LRRC4C: variants seen among roughly 807,000 people sequenced by gnomAD.
The protein encoded by LRRC4C is leucine-rich repeat-containing protein 4C.
A neutral mutation model predicts 33.6 loss-of-function variants in LRRC4C; 5 were observed. The ratio of observed to expected loss-of-function variants is 0.15; its 90% confidence interval spans 0.08 to 0.31. LRRC4C has a LOEUF of 0.31. Ranked by LOEUF, LRRC4C falls within the 10% of genes least tolerant of loss-of-function variation. The pLI is 1.00. For missense variants in LRRC4C, 560 were observed against 796.7 expected, an observed-to-expected ratio of 0.70 and a Z score of 3.58; for synonymous variants, 329 against 302.0, an observed-to-expected ratio of 1.09 and a Z score of -0.93.
At chr11:40,558,616 T>G (rs578018932) in intron 3 of LRRC4C, among the ~76,000 whole-genome samples, 13 of 152,352 alleles carry the variant, frequency 8.5e-5, no homozygotes, top group African/African-American at 2.9e-4. Context: ...CCCTGTACTG[T>G]GTCTCCTTGA....
intron 2 of LRRC4C, among the ~76,000 whole-genome samples, chr11:40,774,272 C>A (rs923393148): frequency 1.1e-4 from 16 of 152,182 alleles, no homozygotes; most frequent in African/African-American, 3.9e-4. Flanking sequence ...AATGCTTCCA[C>A]TTTGCTACAG....
At chr11:40,740,760 AT>A (rs1425330286) in intron 2 of LRRC4C, among the ~76,000 whole-genome samples, 1 of 152,026 alleles carries the variant, frequency 6.6e-6, no homozygotes, top group Non-Finnish European at 1.5e-5. Context: ...TAGTTTTAAG[AT>A]TTCAAGTCAC....
chr11:40,968,708 T>G (rs2136960615), intron 1 of LRRC4C, among the ~76,000 whole-genome samples: 1 of 152,276 alleles, frequency 6.6e-6, no homozygotes, highest in East Asian at 1.9e-4. Context: ...TACATCTGTT[T>G]ACAGCATGGT....
intron 1 of LRRC4C, among the ~76,000 whole-genome samples, chr11:41,141,577 T>G (rs891441400): frequency 6.6e-6 from 1 of 152,138 alleles, no homozygotes; most frequent in Non-Finnish European, 1.5e-5. Context: ...GTGGAGATAA[T>G]TGAATCGTGG....
At chr11:41,406,172 T>A (rs1248259914) in intron 1 of LRRC4C, among the ~76,000 whole-genome samples, 3 of 152,176 alleles carry the variant, frequency 2.0e-5, no homozygotes, top group Non-Finnish European at 4.4e-5. Flanking sequence ...GATATCCTGA[T>A]AAATGTACAC....
At chr11:40,890,592 C>G (rs1349011482) in intron 2 of LRRC4C, among the ~76,000 whole-genome samples, 1 of 152,080 alleles carries the variant, frequency 6.6e-6, no homozygotes, top group Non-Finnish European at 1.5e-5. Context: ...ATCTTACTAA[C>G]TTGGATCAAA....
At chr11:41,091,072 A>G (rs1341068759) in intron 1 of LRRC4C, among the ~76,000 whole-genome samples, 2 of 152,140 alleles carry the variant, frequency 1.3e-5, no homozygotes, top group African/African-American at 2.4e-5. Flanking sequence ...CAAAACTGAG[A>G]TGGCACACTG....
chr11:40,574,750 A>G (rs1390667899), intron 3 of LRRC4C, among the ~76,000 whole-genome samples: 3 of 152,144 alleles, frequency 2.0e-5, no homozygotes, highest in Non-Finnish European at 2.9e-5. Context: ...GCTTCTCTCC[A>G]TACAACAGGA....
chr11:40,428,150 C>T (rs1590703571), intron 3 of LRRC4C, among the ~76,000 whole-genome samples: 1 of 151,164 alleles, frequency 6.6e-6, no homozygotes, highest in Admixed American at 6.6e-5. Flanking sequence ...AAAATAAATT[C>T]TTTAAATTTT....
intron 1 of LRRC4C, among the ~76,000 whole-genome samples, chr11:40,987,644 TATATATATCTC>T (rs376508396): frequency 0.22 from 19,722 of 88,232 alleles, 2,652 homozygotes; most frequent in Middle Eastern, 0.28. Flanking sequence ...TATATATATA[TATATATATCTC>T]ATATATATGA....
intron 1 of LRRC4C, among the ~76,000 whole-genome samples, chr11:41,214,131 T>C (rs1239377127): frequency 6.6e-6 from 1 of 152,206 alleles, no homozygotes; most frequent in Non-Finnish European, 1.5e-5. Context: ...CCTTGAAATC[T>C]GTTTTCAATC....
intron 5 of LRRC4C, among the ~76,000 whole-genome samples, chr11:40,155,492 T>C (rs1858610166): frequency 6.6e-6 from 1 of 151,896 alleles, no homozygotes; most frequent in African/African-American, 2.4e-5. Flanking sequence ...AGAAAATCCA[T>C]ATAACCTCAC....
chr11:40,356,622 G>A (rs980330940), intron 3 of LRRC4C, among the ~76,000 whole-genome samples: 2 of 152,128 alleles, frequency 1.3e-5, no homozygotes, highest in African/African-American at 4.8e-5. Flanking sequence ...ATTTGACTGT[G>A]CTGTATCACG....
intron 3 of LRRC4C, among the ~76,000 whole-genome samples, chr11:40,392,294 T>C (rs1949367769): frequency 6.6e-6 from 1 of 152,160 alleles, no homozygotes; most frequent in Admixed American, 6.6e-5. Context: ...GAGTCAGCCC[T>C]AGTGTACATT....
chr11:40,341,252 T>A (rs1946851564), intron 3 of LRRC4C, among the ~76,000 whole-genome samples: 1 of 152,022 alleles, frequency 6.6e-6, no homozygotes, highest in South Asian at 2.1e-4. Context: ...GGACATGAAC[T>A]CATCATTTTT....
chr11:40,462,728 A>G (rs1952460236), intron 3 of LRRC4C, among the ~76,000 whole-genome samples: 1 of 152,100 alleles, frequency 6.6e-6, no homozygotes, highest in Non-Finnish European at 1.5e-5. Context: ...AAGGAGAGCT[A>G]CTGACTCACA....
chr11:41,041,693 AT>A (rs1402863611), intron 1 of LRRC4C, among the ~76,000 whole-genome samples: 23 of 152,174 alleles, frequency 1.5e-4, no homozygotes, highest in Admixed American at 1.4e-3. Flanking sequence ...ACACACTCAC[AT>A]ATACTTTCAT....
At chr11:40,922,312 G>A (rs183997286) in intron 2 of LRRC4C, among the ~76,000 whole-genome samples, 1 of 152,246 alleles carries the variant, frequency 6.6e-6, no homozygotes, top group African/African-American at 2.4e-5. Flanking sequence ...CCCAGAAAAT[G>A]TTTGACTTTT....
Position 40,971,382 on chromosome 11 carries a change from C to A in LRRC4C, c.-495-37659G>T, listed in dbSNP as rs142883424. On this transcript the variant is annotated intron_variant, in intron 1 of 6. Transcript: ENST00000528697. Reference sequence around the variant, plus strand: ...CCAGATACAGTTTGAGCTACTGCTTCAGAAGAGCAAGCTGTAAGTCTGTTT... The same window carrying A: ...CCAGATACAGTTTGAGCTACTGCTTAAGAAGAGCAAGCTGTAAGTCTGTTT... Among the ~76,000 whole-genome samples the A allele has an allele frequency of 4.3e-3, 656 of 152,302 alleles. 6 individuals carry two copies. Among genetic ancestry groups the A allele is most frequent in the African/African-American group, 0.015 (624 of 41,568 alleles).
Sources: allele counts gnomAD v4.1 joint callset (sites outside exome capture counted in the v4.1 genomes callset), GRCh38; gene constraint gnomAD v4.1.1; transcripts MANE v1.5; gene names NCBI Gene and HGNC (gene_info 2026-07-23, HGNC 2026-07-21).